The following MARCHF11 variants were observed in gnomAD, a reference collection of about 807,000 sequenced individuals.
MARCHF11 encodes membrane associated ring-CH-type finger 11, also known as E3 ubiquitin-protein ligase MARCHF11.
Under a neutral mutation model 37.3 loss-of-function variants are expected in MARCHF11, and 29 were observed. The ratio of observed to expected loss-of-function variants is 0.78; its 90% CI spans 0.58 to 1.06. The LOEUF is 1.06. Among genes scored for constraint, MARCHF11 ranks in the 50% least tolerant of loss-of-function variants. The probability of loss-of-function intolerance (pLI) is 0.00; values close to 1 mark genes in which losing one functional copy is unlikely to be tolerated. For synonymous variants in MARCHF11, 233 were observed against 228.0 expected, an observed-to-expected ratio of 1.02 and a Z score of -0.20; for missense variants, 482 against 533.4, an observed-to-expected ratio of 0.90 and a Z score of 0.95.
intron 3 of MARCHF11, among the ~76,000 whole-genome samples, chr5:16,085,753 T>C (rs1024313541): frequency 4.0e-5 from 6 of 151,544 alleles, no homozygotes; most frequent in Admixed American, 1.3e-4. Context: ...GAGATCGAGA[T>C]CATCCTGGCT....
At chr5:16,072,257 C>T (rs1413767825) in intron 3 of MARCHF11, among the ~76,000 whole-genome samples, 7 of 152,168 alleles carry the variant, frequency 4.6e-5, no homozygotes, top group Non-Finnish European at 1.0e-4. Flanking sequence ...CCCATCCATC[C>T]TAAACCTCCA....
intron 2 of MARCHF11, among the ~76,000 whole-genome samples, chr5:16,133,475 A>G (rs1737553705): frequency 6.6e-6 from 1 of 152,212 alleles, no homozygotes; most frequent in Non-Finnish European, 1.5e-5. Context: ...AGAGAATCCA[A>G]CAAGACCAAA....
chr5:16,149,817 C>T (rs4421104), intron 2 of MARCHF11, among the ~76,000 whole-genome samples: 5,031 of 152,090 alleles, frequency 0.033, 289 homozygotes, highest in African/African-American at 0.11. Context: ...GACCTGCACC[C>T]GTGGTACATC....
chr5:16,163,963 G>A (rs1351980265), intron 2 of MARCHF11, among the ~76,000 whole-genome samples: 1 of 152,000 alleles, frequency 6.6e-6, no homozygotes, highest in African/African-American at 2.4e-5. Flanking sequence ...TGAGGACACA[G>A]TGTCTGTCCC....
chr5:16,132,643 T>C (rs1408495332), intron 2 of MARCHF11, among the ~76,000 whole-genome samples: 2 of 152,128 alleles, frequency 1.3e-5, no homozygotes, highest in African/African-American at 4.8e-5. Flanking sequence ...TAGGGTGAAG[T>C]GTTGGCCTGG....
rs1009385685 is a variant in MARCHF11 at position 16,139,146 on chromosome 5, T to A, written c.693+38580A>T. On this transcript the variant is annotated intron_variant, in intron 2 of 3. Transcript: ENST00000332432. ...TGGCTTGGCTATGTCCCCACCCAAA[T>A]CTTGCCTTGAATTGTAGCTTCCATA... Among the ~76,000 whole-genome samples, 21 of 152,264 alleles carry A rather than the reference T, an allele frequency of 1.4e-4. 1 individual carries two copies. The highest frequency in any genetic ancestry group is 5.1e-4 in the African/African-American group (21 of 41,564).
At chr5:16,077,239 G>A (rs1182871251) in intron 3 of MARCHF11, among the ~76,000 whole-genome samples, 1 of 152,040 alleles carries the variant, frequency 6.6e-6, no homozygotes, top group Non-Finnish European at 1.5e-5. Context: ...TTCTTAGAAA[G>A]AGACTTTCTA....
intron 2 of MARCHF11, among the ~76,000 whole-genome samples, chr5:16,125,603 C>T (rs1737390165): frequency 6.7e-6 from 1 of 149,214 alleles, no homozygotes; most frequent in Non-Finnish European, 1.5e-5. Flanking sequence ...TCAGCTGGTG[C>T]ACCCTGGCAC....
intron 2 of MARCHF11, among the ~76,000 whole-genome samples, chr5:16,165,364 G>T (rs1560993812): frequency 1.3e-5 from 2 of 151,658 alleles, no homozygotes; most frequent in Non-Finnish European, 2.9e-5. Flanking sequence ...ATCTTACATT[G>T]CTATAGTCTT....
At chr5:16,102,667 T>C (rs1047682125) in intron 2 of MARCHF11, among the ~76,000 whole-genome samples, 2 of 152,176 alleles carry the variant, frequency 1.3e-5, no homozygotes, top group African/African-American at 4.8e-5. Flanking sequence ...CATTGCTCAG[T>C]AAAATCTCCA....
intron 2 of MARCHF11, among the ~76,000 whole-genome samples, chr5:16,117,493 C>T (rs1469229543): frequency 6.6e-6 from 1 of 152,194 alleles, no homozygotes; most frequent in Non-Finnish European, 1.5e-5. Flanking sequence ...AAACAGCACA[C>T]ATGTAGGTAA....
At chr5:16,081,115 A>G (rs2126549565) in intron 3 of MARCHF11, among the ~76,000 whole-genome samples, 1 of 152,232 alleles carries the variant, frequency 6.6e-6, no homozygotes, top group African/African-American at 2.4e-5. Flanking sequence ...CTTCTCCCCC[A>G]TAGACTGCTG....
chr5:16,157,541 A>G (rs1247631718), intron 2 of MARCHF11, among the ~76,000 whole-genome samples: 2 of 151,738 alleles, frequency 1.3e-5, no homozygotes, highest in African/African-American at 4.8e-5. Flanking sequence ...TGATACGTCC[A>G]TGATTAACTG....
chr5:16,163,583 T>G (rs1738122371), intron 2 of MARCHF11, among the ~76,000 whole-genome samples: 1 of 151,938 alleles, frequency 6.6e-6, no homozygotes, highest in South Asian at 2.1e-4. Context: ...ACACTTTATA[T>G]GCAAAAATCA....
chr5:16,089,892 G>A (rs2126556056), intron 3 of MARCHF11, among the ~76,000 whole-genome samples: 1 of 152,280 alleles, frequency 6.6e-6, no homozygotes, highest in African/African-American at 2.4e-5. Context: ...GAAGTATGGA[G>A]GGATGAAGGT....
At chr5:16,088,805 A>G (rs1252386093) in intron 3 of MARCHF11, among the ~76,000 whole-genome samples, 7 of 152,190 alleles carry the variant, frequency 4.6e-5, no homozygotes, top group Admixed American at 4.6e-4. Context: ...TTGATGAGCC[A>G]AAACACAATG....
chr5:16,149,433 A>G (rs144410396), intron 2 of MARCHF11, among the ~76,000 whole-genome samples: 96 of 152,220 alleles, frequency 6.3e-4, no homozygotes, highest in Non-Finnish European at 1.1e-3. Flanking sequence ...GCTCACTTAC[A>G]TTGCTGGTTG....
intron 2 of MARCHF11, among the ~76,000 whole-genome samples, chr5:16,105,181 G>C (rs990429906): frequency 6.6e-6 from 1 of 152,152 alleles, no homozygotes; most frequent in Non-Finnish European, 1.5e-5. Context: ...CTGACATCCT[G>C]CTGTGGCTTG....
At chr5:16,102,991 T>C (rs185077289) in intron 2 of MARCHF11, among the ~76,000 whole-genome samples, 5 of 152,210 alleles carry the variant, frequency 3.3e-5, no homozygotes, top group Admixed American at 2.6e-4. Flanking sequence ...AAAATACATA[T>C]GGAATTCTGA....
Sources: allele counts gnomAD v4.1 joint callset (sites outside exome capture counted in the v4.1 genomes callset), GRCh38; gene constraint gnomAD v4.1.1; transcripts MANE v1.5; gene names NCBI Gene and HGNC (gene_info 2026-07-23, HGNC 2026-07-21).